The following SGSM1 variants were observed in gnomAD, a reference collection of about 807,000 sequenced individuals.
The protein encoded by SGSM1 is RUN and TBC1 domain containing 2.
In SGSM1, 73 loss-of-function variants were observed where a neutral mutation model predicts 133.8. That is an observed-to-expected ratio of 0.55 (90% CI 0.45 to 0.66). SGSM1 has a LOEUF of 0.66. Ranked by LOEUF, SGSM1 falls within the 30% of genes least tolerant of loss-of-function variation. The pLI is 0.00. For synonymous variants in SGSM1, 563 were observed against 573.0 expected (o/e 0.98, Z 0.25); for missense variants, 1,213 against 1,448.1 (o/e 0.84, Z 2.64).
At chr22:24,880,397 G>A (rs1271430062) in intron 14 of SGSM1, among the ~76,000 whole-genome samples, 2 of 152,128 alleles carry the variant, frequency 1.3e-5, no homozygotes, top group South Asian at 2.1e-4. Context: ...GGCTCCCAAA[G>A]TGCTGGGATT....
chr22:24,824,012 T>A (rs1427743482), intron 2 of SGSM1, among the ~76,000 whole-genome samples: 1 of 152,220 alleles, frequency 6.6e-6, no homozygotes, highest in African/African-American at 2.4e-5. Context: ...GGGACAGGAT[T>A]TACCCAAGAT....
At chr22:24,819,143 C>CAAAAAA (rs56384293) in intron 2 of SGSM1, among the ~76,000 whole-genome samples, 2 of 106,568 alleles carry the variant, frequency 1.9e-5, no homozygotes, top group African/African-American at 3.3e-5. Flanking sequence ...AAGACTCTGT[C>CAAAAAA]AAAAAAAAAA....
At chr22:24,853,613 C>CT (rs139679) in intron 5 of SGSM1, among the ~76,000 whole-genome samples, 1,800 of 146,220 alleles carry the variant, frequency 0.012, 29 homozygotes, top group African/African-American at 0.041. Context: ...AAAGGCACTT[C>CT]TTTTTTTTTT....
At chr22:24,893,741 C>CT in intron 17 of SGSM1, 128 bp downstream of exon 17, 1 of 1,055,382 alleles carries the variant, frequency 9.5e-7, no homozygotes, top group Admixed American at 3.4e-5. Flanking sequence ...CTGGCTTTTT[C>CT]TTTAAGAGTG....
intron 22 of SGSM1, among the ~76,000 whole-genome samples, chr22:24,917,408 A>G (rs1933858370): frequency 6.6e-6 from 1 of 152,144 alleles, no homozygotes; most frequent in Non-Finnish European, 1.5e-5. Context: ...GTGAATTGGT[A>G]TCTTGTTGTG....
chr22:24,864,407 G>T (rs1393646722), intron 9 of SGSM1, among the ~76,000 whole-genome samples: 1 of 152,140 alleles, frequency 6.6e-6, no homozygotes, highest in Non-Finnish European at 1.5e-5. Context: ...AAGACTCCAA[G>T]ACCGGAAGCA....
At position 24,926,672 on chromosome 22, in the gene SGSM1, A is replaced by G. The variant is rs944726277; in HGVS notation, c.*2398A>G. The G allele has an allele frequency of 1.3e-5, 2 of 152,110 alleles. No individual in the cohort carries two copies. Among genetic ancestry groups the G allele is most frequent in the Non-Finnish European group, 2.9e-5 (2 of 68,014 alleles). The allele number at this position is 152,110 out of a possible 1,614,324, so 9.4% of individuals were successfully genotyped here. ...CATATTTATTTGGTTTACTGTGCCTATTCAGATCTCTGTATGTTGTGTGTG... is the reference window on the plus strand; with the variant it reads ...CATATTTATTTGGTTTACTGTGCCTGTTCAGATCTCTGTATGTTGTGTGTG... On this transcript the variant is annotated 3_prime_UTR_variant, in exon 25 of 25. Coordinates refer to ENST00000400358, the MANE Select transcript of SGSM1 (RefSeq NM_001098497.3).
chr22:24,809,413 C>T (rs2147775490), intron 2 of SGSM1, among the ~76,000 whole-genome samples: 1 of 152,320 alleles, frequency 6.6e-6, no homozygotes, highest in Non-Finnish European at 1.5e-5. Flanking sequence ...ACATCTGTTT[C>T]CCCAGCCTTC....
intron 22 of SGSM1, among the ~76,000 whole-genome samples, chr22:24,915,773 C>T (rs765468598): frequency 8.5e-5 from 13 of 152,076 alleles, no homozygotes; most frequent in Non-Finnish European, 1.8e-4. Flanking sequence ...CCCTGCTGTG[C>T]GATCAAATAG....
At chr22:24,860,125 T>G (rs977959535) in intron 9 of SGSM1, among the ~76,000 whole-genome samples, 1 of 152,214 alleles carries the variant, frequency 6.6e-6, no homozygotes, top group African/African-American at 2.4e-5. Flanking sequence ...AGAGATCTCC[T>G]AAGCCTGCAA....
At position 24,884,136 on chromosome 22, in the gene SGSM1, C is replaced by G; in HGVS notation, c.1579C>G (p.Pro527Ala). 1 of 1,613,924 alleles carries G rather than the reference C, an allele frequency of 6.2e-7. No individual in the cohort carries two copies. Among genetic ancestry groups the G allele is most frequent in the Non-Finnish European group, 8.5e-7 (1 of 1,179,860 alleles). Reference protein sequence around the residue: ...VNHMIVSPDLPCDAGQGLTAR... With the variant: ...VNHMIVSPDLACDAGQGLTAR... The stretch of plus-strand genomic sequence containing the variant: ...TCACATGATCGTGTCTCCAGACTTG[C>G]CCTGCGATGCTGGACAGGGACTGAC... Residue 527 changes from proline (P) to alanine (A), a missense_variant, in exon 15 of 25, where the codon CCC (proline) becomes GCC (alanine). Pro to Ala is a conservative substitution (Grantham distance 27, BLOSUM62 -1). Transcript: ENST00000400358.
intron 2 of SGSM1, among the ~76,000 whole-genome samples, chr22:24,818,972 C>T (rs1210235303): frequency 1.3e-5 from 2 of 151,778 alleles, no homozygotes; most frequent in South Asian, 2.1e-4. Flanking sequence ...TGATGAAACC[C>T]CATCTCTACT....
In SGSM1 at chr22:24,905,177, T is replaced by G; in HGVS notation, c.2808T>G (p.Ile936Met). ...ATCTTCTGGCTCCACTGCTGGTCAT[T>G]CTGGATGATGGTGAGTGTGTCTTTA... Reference protein sequence around the residue: ...MCDLLAPLLVILDDEALAFSC... With the variant: ...MCDLLAPLLVMLDDEALAFSC... The change falls in exon 21 of 25, where the codon ATT (isoleucine) becomes ATG (methionine). Residue 936 changes from isoleucine to methionine, a missense_variant. Ile to Met is a conservative substitution (Grantham distance 10). Coordinates refer to ENST00000400358, the MANE Select transcript of SGSM1 (RefSeq NM_001098497.3). 2 of 1,613,958 alleles carry G rather than the reference T, an allele frequency of 1.2e-6. No individual in the cohort carries two copies. Among genetic ancestry groups the G allele is most frequent in the Non-Finnish European group, 1.7e-6 (2 of 1,179,872 alleles).
intron 2 of SGSM1, among the ~76,000 whole-genome samples, chr22:24,815,613 C>T (rs1386535831): frequency 6.6e-6 from 1 of 152,108 alleles, no homozygotes; most frequent in African/African-American, 2.4e-5. Flanking sequence ...GGCGTGGTGG[C>T]GGGCGCCTGT....
chr22:24,860,897 TAAAAAA>T lies in SGSM1; in HGVS notation c.926+1078_926+1083del, dbSNP rs554853690. On this transcript the variant is annotated intron_variant, in intron 9 of 24. Coordinates refer to ENST00000400358, the MANE Select transcript of SGSM1 (RefSeq NM_001098497.3). ...CCTGGGTGACAGAGCGAGACTGTCT[TAAAAAA>T]AAAAAAAAAAAAAAAAAAAATATAT... Among the ~76,000 whole-genome samples, 77 of 43,862 alleles carry T rather than the reference TAAAAAA, an allele frequency of 1.8e-3. 1 individual carries two copies. The highest frequency in any genetic ancestry group is 5.6e-3 in the African/African-American group (67 of 11,992). The allele number at this position is 43,862 out of a possible 152,430, so 28.8% of individuals were successfully genotyped here.
At chr22:24,858,351 AT>A (rs1303081863) in intron 8 of SGSM1, among the ~76,000 whole-genome samples, 2 of 152,182 alleles carry the variant, frequency 1.3e-5, no homozygotes, top group African/African-American at 4.8e-5. Flanking sequence ...ACGGTGGCTC[AT>A]GCCTGTAATC....
chr22:24,874,643 T>C (rs1765864748), intron 12 of SGSM1: 2 of 1,495,496 alleles, frequency 1.3e-6, no homozygotes, highest in Non-Finnish European at 1.8e-6. Flanking sequence ...ATGTTGTCAT[T>C]TGAGTTCTGG....
chr22:24,835,454 C>T (rs909998177), intron 2 of SGSM1, among the ~76,000 whole-genome samples: 1 of 152,018 alleles, frequency 6.6e-6, no homozygotes, highest in Non-Finnish European at 1.5e-5. Context: ...GAGGCCATTA[C>T]GTCAGAGAGT....
At chr22:24,845,526 T>C (rs1004441811) in intron 3 of SGSM1, among the ~76,000 whole-genome samples, 3 of 152,218 alleles carry the variant, frequency 2.0e-5, no homozygotes, top group African/African-American at 7.2e-5. Flanking sequence ...TCTGAGTGTC[T>C]CTGAGGTCAG....
Sources: gnomAD v4.1 joint callset for allele counts (sites outside exome capture counted in the v4.1 genomes callset) on GRCh38, gnomAD v4.1.1 for gene constraint, MANE v1.5 for transcripts, NCBI Gene and HGNC (gene_info 2026-07-23, HGNC 2026-07-21) for gene names.